LHFPL1: variants seen among roughly 807,000 people sequenced by gnomAD.
The protein encoded by LHFPL1 is LHFPL tetraspan subfamily member 1, also known as LHFPL tetraspan subfamily member 1 protein.
Under a neutral mutation model 12.1 loss-of-function variants are expected in LHFPL1, and 4 were observed. The observed-to-expected ratio is 0.33, with a 90% confidence interval of 0.16 to 0.76. The LOEUF (loss-of-function observed/expected upper bound fraction) is 0.76, where lower values mean the gene tolerates loss of function less well. Ranked by LOEUF, LHFPL1 falls within the 30% of genes least tolerant of loss-of-function variation. The pLI, the probability that LHFPL1 is intolerant of heterozygous loss-of-function variation, is 0.61. For missense variants in LHFPL1, 141 were observed against 174.1 expected (o/e 0.81, Z 1.07); for synonymous variants, 52 against 61.9 (o/e 0.84, Z 0.75).
At chrX:112,677,623 C>A (rs1931687218) in intron 1 of LHFPL1, among the ~76,000 whole-genome samples, 1 of 106,717 alleles carries the variant, frequency 9.4e-6, no homozygotes, top group Non-Finnish European at 1.9e-5. Context: ...ATATAAGCAG[C>A]CTGACCATGC....
At chrX:112,664,021 C>T (rs1166407069) in intron 2 of LHFPL1, among the ~76,000 whole-genome samples, 1 of 112,260 alleles carries the variant, frequency 8.9e-6, no homozygotes, top group Non-Finnish European at 1.9e-5. Context: ...CCTGTGCATA[C>T]TCAAATCCCT....
chrX:112,678,167 C>A (rs1170480593), intron 1 of LHFPL1, among the ~76,000 whole-genome samples: 1 of 111,485 alleles, frequency 9.0e-6, no homozygotes, highest in African/African-American at 3.3e-5. Flanking sequence ...AGAACCTCCA[C>A]ATCAGGCCCT....
At chrX:112,675,100 AGACTTTGGG>A (rs1207671258) in intron 1 of LHFPL1, among the ~76,000 whole-genome samples, 3 of 111,210 alleles carry the variant, frequency 2.7e-5, no homozygotes, top group Non-Finnish European at 3.8e-5. Flanking sequence ...ATGACACAAT[AGACTTTGGG>A]GACTTTGGGG....
intron 1 of LHFPL1, 151 bp from the exon 2 acceptor site, chrX:112,671,555 G>A (rs774598652): frequency 1.1e-5 from 12 of 1,119,050 alleles, no homozygotes; most frequent in South Asian, 4.4e-5. Flanking sequence ...TTATTCTCTC[G>A]AGGACCATTT....
intron 2 of LHFPL1, among the ~76,000 whole-genome samples, chrX:112,661,188 G>T (rs949263613): frequency 9.0e-6 from 1 of 111,001 alleles, no homozygotes; most frequent in African/African-American, 3.3e-5. Flanking sequence ...CTGCTGGACC[G>T]ATGAGCAGGG....
chrX:112,656,742 A>G (rs1931015209), intron 3 of LHFPL1, among the ~76,000 whole-genome samples: 1 of 112,783 alleles, frequency 8.9e-6, no homozygotes, highest in Non-Finnish European at 1.9e-5. Flanking sequence ...GTTACATCCC[A>G]ACAAACTCAT....
At chrX:112,638,703 T>C (rs931939427) in intron 3 of LHFPL1, among the ~76,000 whole-genome samples, 1 of 111,632 alleles carries the variant, frequency 9.0e-6, no homozygotes, top group African/African-American at 3.3e-5. Flanking sequence ...TTGAGGGTAT[T>C]ATTTTTTTCT....
intron 2 of LHFPL1, among the ~76,000 whole-genome samples, chrX:112,665,294 G>A (rs1437832099): frequency 9.1e-6 from 1 of 109,462 alleles, no homozygotes; most frequent in African/African-American, 3.3e-5. Context: ...AGGTTCAAGC[G>A]ATTCTCCCGT....
chrX:112,644,801 C>T (rs1323378952), intron 3 of LHFPL1, among the ~76,000 whole-genome samples: 1 of 112,273 alleles, frequency 8.9e-6, no homozygotes, highest in Non-Finnish European at 1.9e-5. Context: ...TATTAGACTG[C>T]TTCTTTGTGC....
At chrX:112,643,600 C>A (rs1930596565) in intron 3 of LHFPL1, among the ~76,000 whole-genome samples, 1 of 110,418 alleles carries the variant, frequency 9.1e-6, no homozygotes, top group African/African-American at 3.3e-5. Context: ...GAAACTTTCG[C>A]CATGATTCAG....
chrX:112,665,079 C>T (rs1393496031), intron 2 of LHFPL1, among the ~76,000 whole-genome samples: 1 of 111,901 alleles, frequency 8.9e-6, no homozygotes, highest in African/African-American at 3.3e-5. Flanking sequence ...CCAGCCCTGC[C>T]ACATATGAGC....
intron 3 of LHFPL1, among the ~76,000 whole-genome samples, chrX:112,657,896 C>A: frequency 1.1e-5 from 1 of 89,464 alleles, no homozygotes; most frequent in Non-Finnish European, 2.0e-5. Flanking sequence ...AAATATGACA[C>A]CTAAAACAGA....
intron 3 of LHFPL1, among the ~76,000 whole-genome samples, chrX:112,652,908 C>T (rs1482418950): frequency 8.9e-6 from 1 of 111,764 alleles, no homozygotes; most frequent in Non-Finnish European, 1.9e-5. Context: ...TAAGTGTATA[C>T]AACATTTTTA....
At chrX:112,653,520 A>G (rs770506550) in intron 3 of LHFPL1, among the ~76,000 whole-genome samples, 1 of 112,642 alleles carries the variant, frequency 8.9e-6, no homozygotes, top group African/African-American at 3.2e-5. Flanking sequence ...AAAAAGAAAG[A>G]GTTAGGAACA....
chrX:112,645,953 C>T (rs1328549746), intron 3 of LHFPL1, among the ~76,000 whole-genome samples: 4 of 111,239 alleles, frequency 3.6e-5, no homozygotes, highest in East Asian at 2.8e-4. Flanking sequence ...CTACCGTATA[C>T]GTGGGAGTAA....
intron 3 of LHFPL1, among the ~76,000 whole-genome samples, chrX:112,654,063 A>G (rs1930927591): frequency 8.9e-6 from 1 of 111,976 alleles, no homozygotes. Context: ...TTTGGAGAGC[A>G]TTTAATTCAT....
At chrX:112,656,616 T>C (rs757633333) in intron 3 of LHFPL1, among the ~76,000 whole-genome samples, 1 of 111,663 alleles carries the variant, frequency 9.0e-6, no homozygotes, top group Non-Finnish European at 1.9e-5. Context: ...ATCTAGAAAA[T>C]TTTAAGGAAT....
chrX:112,637,611 G>T (rs1437013725), intron 3 of LHFPL1, among the ~76,000 whole-genome samples: 6 of 112,068 alleles, frequency 5.4e-5, no homozygotes, highest in Admixed American at 4.7e-4. Context: ...GAGGAAGAAG[G>T]AAACAATGTT....
intron 3 of LHFPL1, among the ~76,000 whole-genome samples, chrX:112,647,722 G>A (rs764396353): frequency 8.0e-5 from 9 of 111,997 alleles, no homozygotes; most frequent in Non-Finnish European, 1.7e-4. Flanking sequence ...TTACACTGTT[G>A]GTGGGAGTGT....
Sources: allele counts gnomAD v4.1 joint callset (sites outside exome capture counted in the v4.1 genomes callset), GRCh38; gene constraint gnomAD v4.1.1; transcripts MANE v1.5; gene names NCBI Gene and HGNC (gene_info 2026-07-23, HGNC 2026-07-21).